Variants in WSCD2 observed in about 807,000 individuals in gnomAD.
The protein encoded by WSCD2 is sialate:O-sulfotransferase 2.
Under a neutral mutation model 55.7 loss-of-function variants are expected in WSCD2, and 28 were observed. That is an observed-to-expected ratio of 0.50 (90% CI 0.37 to 0.69). The LOEUF (loss-of-function observed/expected upper bound fraction) is 0.69, where lower values mean the gene tolerates loss of function less well. Among genes scored for constraint, WSCD2 ranks in the 30% least tolerant of loss-of-function variants. The pLI is 0.00. For missense variants in WSCD2, 616 were observed against 762.1 expected, an observed-to-expected ratio of 0.81 and a Z score of 2.26; for synonymous variants, 301 against 301.9, an observed-to-expected ratio of 1.00 and a Z score of 0.03.
At position 108,200,661 on chromosome 12, in the gene WSCD2, C is replaced by T. The variant is rs371980604; in HGVS notation, c.382+4447C>T. On this transcript the variant is annotated intron_variant, in intron 2 of 8. Transcript: ENST00000547525. ...TTTCATTTTATTAAAAGTTCTTCTACAATAAGCCAAAATTATTTCTAATTT... is the reference window on the plus strand; with the variant it reads ...TTTCATTTTATTAAAAGTTCTTCTATAATAAGCCAAAATTATTTCTAATTT... Among the ~76,000 whole-genome samples the T allele has an allele frequency of 6.6e-5, 10 of 152,276 alleles. No individual in the cohort carries two copies. The East Asian group carries it at 1.9e-3, about 29-fold the overall frequency.
chr12:108,166,014 A>G (rs952207857), intron 1 of WSCD2, among the ~76,000 whole-genome samples: 1 of 152,216 alleles, frequency 6.6e-6, no homozygotes, highest in Non-Finnish European at 1.5e-5. Flanking sequence ...GAGATATTGA[A>G]GGAAAATTAA....
chr12:108,178,297 G>T (rs1049401830), intron 1 of WSCD2, among the ~76,000 whole-genome samples: 5 of 152,106 alleles, frequency 3.3e-5, no homozygotes, highest in Admixed American at 2.0e-4. Flanking sequence ...TTATGAAAGG[G>T]CATGGTGGTG....
Position 108,248,115 on chromosome 12 carries a change from G to T in WSCD2, c.1470G>T (p.Gln490His), listed in dbSNP as rs561509390. Residue 490 changes from glutamine to histidine, a missense_variant, in exon 9 of 9, where the codon CAG (glutamine) becomes CAT (histidine). Transcript: ENST00000547525. The surrounding 1 kb of genome is among the most constrained non-coding windows in gnomAD (Gnocchi z 4.3). Reference protein sequence around the residue: ...FEDLKQDLFVQLGRMVSLLGV... With the variant: ...FEDLKQDLFVHLGRMVSLLGV... ...ACCTGAAGCAGGACCTCTTTGTCCA[G>T]CTGGGCCGGATGGTCAGCCTGCTGG... 1.1e-5 allele frequency: 18 copies of T among 1,614,100 alleles called. No individual in the cohort carries two copies. The highest frequency in any genetic ancestry group is 1.5e-5 in the Non-Finnish European group (18 of 1,180,052).
chr12:108,206,942 A>G (rs1451088885), intron 3 of WSCD2, among the ~76,000 whole-genome samples: 1 of 152,222 alleles, frequency 6.6e-6, no homozygotes, highest in African/African-American at 2.4e-5. Flanking sequence ...AAGATGTCCA[A>G]ATGAAGGGTA....
At chr12:108,201,643 G>A (rs545406523) in intron 2 of WSCD2, among the ~76,000 whole-genome samples, 1 of 152,276 alleles carries the variant, frequency 6.6e-6, no homozygotes, top group South Asian at 2.1e-4. Context: ...GCAGCATCAT[G>A]TGTGGGATTT....
At chr12:108,175,802 G>A (rs932097778) in intron 1 of WSCD2, among the ~76,000 whole-genome samples, 1 of 152,178 alleles carries the variant, frequency 6.6e-6, no homozygotes, top group African/African-American at 2.4e-5. Context: ...GAGGAAAAAA[G>A]CACAGTGGGT....
intron 1 of WSCD2, among the ~76,000 whole-genome samples, chr12:108,177,387 G>A (rs1376989836): frequency 2.0e-5 from 3 of 152,142 alleles, no homozygotes; most frequent in African/African-American, 7.2e-5. Context: ...GGCACTTGCT[G>A]TGTATTTAAA....
chr12:108,162,168 A>C (rs1392881622), intron 1 of WSCD2, among the ~76,000 whole-genome samples: 1 of 152,228 alleles, frequency 6.6e-6, no homozygotes, highest in East Asian at 1.9e-4. Flanking sequence ...GAAGGACGGC[A>C]GAGGGACTGT....
intron 1 of WSCD2, among the ~76,000 whole-genome samples, chr12:108,153,715 G>T (rs1255591028): frequency 6.6e-6 from 1 of 152,218 alleles, no homozygotes; most frequent in Non-Finnish European, 1.5e-5. Context: ...TGCACAGAGG[G>T]AGAGGTGATG....
rs1352120617 is a variant in WSCD2, at chr12:108,129,521, G to T, written c.-957G>T. On this transcript the variant is annotated 5_prime_UTR_variant, in exon 1 of 9. Coordinates refer to ENST00000547525, the MANE Select transcript of WSCD2 (RefSeq NM_014653.4). Reference sequence around the variant, plus strand: ...GGCCTCGCCGCGGCTCGGGGCACCCGCAGTGCCGCCCGCCCGAGCGCCAGG... The same window carrying T: ...GGCCTCGCCGCGGCTCGGGGCACCCTCAGTGCCGCCCGCCCGAGCGCCAGG... 1 of 151,514 alleles carries T rather than the reference G, an allele frequency of 6.6e-6. No homozygotes were observed. The highest frequency in any genetic ancestry group is 1.5e-5 in the Non-Finnish European group (1 of 67,726). 9.4% of individuals were successfully genotyped at this position (151,514 alleles called of 1,614,324 possible). A position where few individuals can be genotyped will look rare whatever the true frequency, so the allele number is the denominator to read the frequency against.
chr12:108,236,807 G>A (rs755351500), intron 7 of WSCD2, among the ~76,000 whole-genome samples: 1 of 151,818 alleles, frequency 6.6e-6, no homozygotes, highest in Non-Finnish European at 1.5e-5. Flanking sequence ...CTCTCTCCAG[G>A]TAACTGTGTC....
At chr12:108,170,217 G>A (rs563513242) in intron 1 of WSCD2, among the ~76,000 whole-genome samples, 8 of 152,252 alleles carry the variant, frequency 5.3e-5, no homozygotes, top group Non-Finnish European at 1.2e-4. Context: ...TTATGGGTTA[G>A]TTTTAGCACA....
Position 108,196,181 on chromosome 12 carries a change from GGGAGGGTTGTCCGGGAGAA to G in WSCD2, c.355_373del (p.Val119LysfsTer30). ...TGGAGCCTGGAGCCGAGCCCTCAAG[GGGAGGGTTGTCCGGGAGAA>G]GGAGGAAGAGCGAGGTAAGAGCGAG... On this transcript the variant is annotated frameshift_variant, in exon 2 of 9. Coordinates refer to ENST00000547525, the MANE Select transcript of WSCD2 (RefSeq NM_014653.4). LOFTEE classifies it high-confidence loss of function. 6.2e-7 allele frequency: 1 copy of G among 1,614,016 alleles called. No homozygotes were observed. The highest frequency in any genetic ancestry group is 8.5e-7 in the Non-Finnish European group (1 of 1,179,950).
chr12:108,168,574 A>G (rs2136961297), intron 1 of WSCD2, among the ~76,000 whole-genome samples: 1 of 152,312 alleles, frequency 6.6e-6, no homozygotes, highest in African/African-American at 2.4e-5. Flanking sequence ...TATCAGTCTC[A>G]TTGTGTCTCA....
chr12:108,175,706 G>C (rs1300232306), intron 1 of WSCD2, among the ~76,000 whole-genome samples: 1 of 152,216 alleles, frequency 6.6e-6, no homozygotes, highest in Non-Finnish European at 1.5e-5. Flanking sequence ...TCTGCCTCCA[G>C]GTGAACCTTT....
At chr12:108,186,469 C>T (rs967789433) in intron 1 of WSCD2, among the ~76,000 whole-genome samples, 4 of 152,334 alleles carry the variant, frequency 2.6e-5, no homozygotes, top group Non-Finnish European at 4.4e-5. Flanking sequence ...TAGTATCATA[C>T]GGAGCAGTTT....
chr12:108,135,779 C>G (rs1391965049), intron 1 of WSCD2, among the ~76,000 whole-genome samples: 1 of 152,218 alleles, frequency 6.6e-6, no homozygotes, highest in Non-Finnish European at 1.5e-5. Flanking sequence ...TAGAGGCCAA[C>G]AAACTATGGC....
At chr12:108,234,292 G>C (rs1256877664) in intron 7 of WSCD2, among the ~76,000 whole-genome samples, 2 of 152,208 alleles carry the variant, frequency 1.3e-5, no homozygotes, top group Non-Finnish European at 2.9e-5. Context: ...GGTGCTGATA[G>C]AGAGTCATCC....
intron 1 of WSCD2, among the ~76,000 whole-genome samples, chr12:108,143,326 T>G (rs1365509051): frequency 6.6e-6 from 1 of 151,906 alleles, no homozygotes; most frequent in East Asian, 1.9e-4. Context: ...TGCTGTTTGA[T>G]CAGGTCAGGG....
Sources: allele counts gnomAD v4.1 joint callset (sites outside exome capture counted in the v4.1 genomes callset), GRCh38; gene constraint gnomAD v4.1.1; non-coding constraint Gnocchi (gnomAD v3.1); transcripts MANE v1.5; gene names NCBI Gene and HGNC (gene_info 2026-07-23, HGNC 2026-07-21).